Variants in HMCN1 observed in about 807,000 individuals in gnomAD.
HMCN1 encodes hemicentin 1.
A neutral mutation model predicts 625.9 loss-of-function variants in HMCN1; 321 were observed. That is an observed-to-expected ratio of 0.51 (90% CI 0.47 to 0.56). HMCN1 has a LOEUF of 0.56. HMCN1 is among the 20% of genes least tolerant of loss of function. HMCN1 has a pLI of 0.00. For synonymous variants in HMCN1, 2,425 were observed against 2,417.6 expected (o/e 1.00, Z -0.09); for missense variants, 6,588 against 6,887.3 (o/e 0.96, Z 1.54).
chr1:186,141,800 C>T (rs1319838243), intron 89 of HMCN1, among the ~76,000 whole-genome samples: 1 of 152,174 alleles, frequency 6.6e-6, no homozygotes, highest in African/African-American at 2.4e-5. Context: ...ACTAGGCACA[C>T]AGCAGCCAAG....
intron 1 of HMCN1, among the ~76,000 whole-genome samples, chr1:185,843,605 A>C (rs974994257): frequency 1.3e-5 from 2 of 152,180 alleles, no homozygotes; most frequent in Admixed American, 1.3e-4. Context: ...GAAAGACTGG[A>C]ATGGAAGCAA....
In HMCN1 at chr1:185,787,530, A is replaced by G. The variant is rs567790700; in HGVS notation, c.268+52483A>G. ...GAGCTAACAGGGAAGTATGTTGGAA[A>G]GGAAGTCACCAGTGTGGGAACAAGG... On this transcript the variant is annotated intron_variant, in intron 1 of 106. Coordinates refer to ENST00000271588, the MANE Select transcript of HMCN1 (RefSeq NM_031935.3). 4.6e-5 allele frequency among the ~76,000 whole-genome samples: 7 copies of G among 152,348 alleles called. No individual in the cohort carries two copies. In the South Asian group the frequency reaches 6.2e-4, roughly 14 times the overall value.
chr1:186,119,106 G>A, intron 77 of HMCN1, 85 bp from the exon 78 acceptor site: 1 of 982,176 alleles, frequency 1.0e-6, no homozygotes, highest in Non-Finnish European at 1.6e-6. Context: ...GCTATTTGCA[G>A]AAAACACACA....
chr1:186,132,080 A>G (rs1221267189), intron 85 of HMCN1, among the ~76,000 whole-genome samples: 2 of 152,120 alleles, frequency 1.3e-5, no homozygotes, highest in Non-Finnish European at 2.9e-5. Flanking sequence ...ATTCCTGGAG[A>G]TCAATGATAG....
In HMCN1 at chr1:186,152,833, G is replaced by A; in HGVS notation, c.14980G>A (p.Val4994Ile). 1 of 1,613,986 alleles carries A rather than the reference G, an allele frequency of 6.2e-7. No individual in the cohort carries two copies. Among genetic ancestry groups the A allele is most frequent in the Non-Finnish European group, 8.5e-7 (1 of 1,179,894 alleles). ...LLLDIVVSGY[V>I]LQLQSPAEVT... The stretch of plus-strand genomic sequence containing the variant: ...GCTAGATATCGTTGTGAGTGGCTAT[G>A]TCCTACAGCTTCAGTCACCTGCTGA... The change falls in exon 96 of 107, where the codon GTC becomes ATC. Residue 4994 changes from valine to isoleucine, a missense_variant. Transcript: ENST00000271588.
chr1:185,743,390 A>G (rs1056392662), intron 1 of HMCN1, among the ~76,000 whole-genome samples: 12 of 152,226 alleles, frequency 7.9e-5, no homozygotes, highest in Non-Finnish European at 1.3e-4. Flanking sequence ...ATGAAATGGA[A>G]GGCTAATTAT....
At chr1:186,138,044 G>T in intron 89 of HMCN1, 72 bp downstream of exon 89, 1 of 1,523,670 alleles carries the variant, frequency 6.6e-7, no homozygotes, top group Non-Finnish European at 9.0e-7. Context: ...AATTACATTT[G>T]CCTTTTCTTC....
chr1:186,022,161 A>T (rs975185331), intron 35 of HMCN1, among the ~76,000 whole-genome samples: 2 of 152,152 alleles, frequency 1.3e-5, no homozygotes, highest in Admixed American at 1.3e-4. Context: ...ACACATGTAG[A>T]GCTCAGGAGA....
intron 4 of HMCN1, among the ~76,000 whole-genome samples, chr1:185,876,171 T>A (rs1190784887): frequency 6.6e-6 from 1 of 152,052 alleles, no homozygotes; most frequent in Non-Finnish European, 1.5e-5. Context: ...AGTGTTTGAT[T>A]TTCTGTTTTT....
At chr1:186,111,304 G>C (rs1571366491) in intron 71 of HMCN1, among the ~76,000 whole-genome samples, 1 of 152,038 alleles carries the variant, frequency 6.6e-6, no homozygotes, top group African/African-American at 2.4e-5. Flanking sequence ...ATTCTAATGA[G>C]ACTTAATAAG....
chr1:185,840,019 T>C (rs1661384058), intron 1 of HMCN1, among the ~76,000 whole-genome samples: 1 of 152,204 alleles, frequency 6.6e-6, no homozygotes, highest in Non-Finnish European at 1.5e-5. Context: ...GAAAATTACC[T>C]GTTCTAATAT....
intron 11 of HMCN1, among the ~76,000 whole-genome samples, chr1:185,942,107 C>T (rs1199321519): frequency 1.3e-5 from 2 of 150,792 alleles, no homozygotes; most frequent in African/African-American, 4.9e-5. Context: ...GGGAGAATCA[C>T]TTACACCCGG....
intron 11 of HMCN1, among the ~76,000 whole-genome samples, chr1:185,951,770 TG>T (rs1649169051): frequency 6.6e-6 from 1 of 151,784 alleles, no homozygotes. Flanking sequence ...AGCAAGCTCC[TG>T]GGGGAGGAGG....
At chr1:186,150,797 T>G (rs547260774) in intron 93 of HMCN1, among the ~76,000 whole-genome samples, 2 of 152,110 alleles carry the variant, frequency 1.3e-5, no homozygotes, top group South Asian at 2.1e-4. Flanking sequence ...AAAGCTACCT[T>G]ATAGAATTGT....
intron 1 of HMCN1, among the ~76,000 whole-genome samples, chr1:185,837,012 G>A (rs1358089674): frequency 2.0e-5 from 3 of 148,926 alleles, no homozygotes; most frequent in Admixed American, 2.0e-4. Flanking sequence ...CATGGTGTGT[G>A]TGTGTGTGTG....
At chr1:185,736,174 G>T (rs1653555759) in intron 1 of HMCN1, among the ~76,000 whole-genome samples, 1 of 152,132 alleles carries the variant, frequency 6.6e-6, no homozygotes, top group Admixed American at 6.5e-5. Context: ...GAAATTTAAA[G>T]ATATATAGAA....
At chr1:186,092,553 A>G (rs1558216726) in intron 64 of HMCN1, among the ~76,000 whole-genome samples, 1 of 152,020 alleles carries the variant, frequency 6.6e-6, no homozygotes, top group Non-Finnish European at 1.5e-5. Flanking sequence ...AGGACAACCA[A>G]TAATGCAATA....
At chr1:185,796,750 A>G (rs1658412028) in intron 1 of HMCN1, among the ~76,000 whole-genome samples, 1 of 152,146 alleles carries the variant, frequency 6.6e-6, no homozygotes, top group Admixed American at 6.5e-5. Context: ...TCAACTATTG[A>G]TGTATACTTA....
At chr1:186,005,228 TTTAA>T (rs1305247030) in intron 29 of HMCN1, among the ~76,000 whole-genome samples, 1 of 128,054 alleles carries the variant, frequency 7.8e-6, no homozygotes, top group South Asian at 2.7e-4. Flanking sequence ...TAAACAATTT[TTTAA>T]TTGTTTATAA....
Sources: gnomAD v4.1 joint callset for allele counts (sites outside exome capture counted in the v4.1 genomes callset) on GRCh38, gnomAD v4.1.1 for gene constraint, MANE v1.5 for transcripts, NCBI Gene and HGNC (gene_info 2026-07-23, HGNC 2026-07-21) for gene names.